TRPM3: variants seen among roughly 807,000 people sequenced by gnomAD.
TRPM3 encodes the protein transient receptor potential cation channel subfamily M member 3.
In TRPM3, 77 loss-of-function variants were observed where a neutral mutation model predicts 181.2. The observed-to-expected ratio is 0.42, with a 90% CI of 0.35 to 0.51. TRPM3 has a LOEUF of 0.51. Among genes scored for constraint, TRPM3 ranks in the 20% least tolerant of loss-of-function variants. TRPM3 has a pLI of 0.01. For synonymous variants in TRPM3, 745 were observed against 796.4 expected (o/e 0.94, Z 1.09); for missense variants, 1,759 against 2,196.7 (o/e 0.80, Z 3.98).
At chr9:70,986,820 C>T (rs1421229616) in intron 1 of TRPM3, among the ~76,000 whole-genome samples, 3 of 152,078 alleles carry the variant, frequency 2.0e-5, no homozygotes, top group East Asian at 3.9e-4. Flanking sequence ...GAGGAGGACA[C>T]GGTATATCAG....
chr9:71,009,739 A>G (rs1239610623), intron 1 of TRPM3, among the ~76,000 whole-genome samples: 3 of 152,196 alleles, frequency 2.0e-5, no homozygotes, highest in Non-Finnish European at 4.4e-5. Context: ...AAATAAATTC[A>G]TATGGAAATA....
intron 1 of TRPM3, among the ~76,000 whole-genome samples, chr9:71,373,214 CAT>C (rs1008457037): frequency 6.6e-6 from 1 of 151,116 alleles, no homozygotes; most frequent in African/African-American, 2.4e-5. Context: ...CTAAAAGAAA[CAT>C]AGAACCAAGA....
At chr9:71,152,665 A>G (rs1480232072) in intron 1 of TRPM3, among the ~76,000 whole-genome samples, 1 of 152,162 alleles carries the variant, frequency 6.6e-6, no homozygotes, top group African/African-American at 2.4e-5. Context: ...AGATAAGGAC[A>G]TCAGTTTGAG....
intron 1 of TRPM3, among the ~76,000 whole-genome samples, chr9:71,363,369 T>A (rs1221364172): frequency 6.6e-6 from 1 of 152,202 alleles, no homozygotes; most frequent in Non-Finnish European, 1.5e-5. Flanking sequence ...TAAGCCAAAT[T>A]GGGAGATTAC....
At chr9:70,598,717 A>G in intron 20 of TRPM3, 47 bp from the exon 21 acceptor site, 1 of 1,588,630 alleles carries the variant, frequency 6.3e-7, no homozygotes, top group Non-Finnish European at 8.6e-7. Flanking sequence ...TTCTGTCTGT[A>G]TTTTCAGCCC....
At chr9:71,401,999 C>T (rs552844901) in intron 1 of TRPM3, among the ~76,000 whole-genome samples, 1 of 152,278 alleles carries the variant, frequency 6.6e-6, no homozygotes, top group East Asian at 1.9e-4. Flanking sequence ...AGTGTGTAAT[C>T]CGTAAATTGA....
rs1432638456 is a variant in TRPM3, at chr9:70,632,001, A to G, written c.1632+3210T>C. Among the ~76,000 whole-genome samples, 4 of 152,358 alleles carry G rather than the reference A, an allele frequency of 2.6e-5. No homozygotes were observed. In the East Asian group the frequency reaches 7.7e-4, roughly 29 times the overall value. On this transcript the variant is annotated intron_variant, in intron 12 of 25. Coordinates refer to ENST00000677713, the MANE Select transcript of TRPM3 (RefSeq NM_001366145.2). ...AGGTCTAGGACTGTGTTCCTAACTC[A>G]TGAATAGCGTTTTGTACCAGAGTTA... is the stretch of plus-strand genomic sequence containing the variant.
intron 1 of TRPM3, among the ~76,000 whole-genome samples, chr9:70,911,856 C>T (rs779796297): frequency 3.3e-5 from 5 of 152,130 alleles, no homozygotes; most frequent in Non-Finnish European, 5.9e-5. Flanking sequence ...CTCATCATAC[C>T]CAATCATATC....
intron 1 of TRPM3, among the ~76,000 whole-genome samples, chr9:71,286,901 C>T (rs2085316417): frequency 7.8e-6 from 1 of 127,574 alleles, no homozygotes; most frequent in Non-Finnish European, 1.7e-5. Context: ...TCACCTCTCA[C>T]AGAAGCATTC....
intron 18 of TRPM3, among the ~76,000 whole-genome samples, chr9:70,615,129 T>C (rs995656348): frequency 6.6e-5 from 10 of 152,148 alleles, no homozygotes; most frequent in Admixed American, 6.5e-4. Flanking sequence ...CAAAATTAAT[T>C]TGTGATTTCA....
At position 71,349,497 on chromosome 9, in the gene TRPM3, G is replaced by A. The variant is rs563995895; in HGVS notation, c.183+97156C>T. 9.3e-4 allele frequency among the ~76,000 whole-genome samples: 142 copies of A among 152,222 alleles called. 1 individual carries two copies. Among genetic ancestry groups the A allele is most frequent in the South Asian group, 5.8e-3 (28 of 4,830 alleles). On this transcript the variant is annotated intron_variant, in intron 1 of 24. Transcript: ENST00000357533. ...TCCACTAAGAAGACTTCAGCATAAC[G>A]TTCAGTAAATCGTTTCCTTAAATGG...
intron 9 of TRPM3, among the ~76,000 whole-genome samples, chr9:70,668,672 G>GAAAAAAAAAAAAAAAAAAA (rs57929544): frequency 2.3e-5 from 2 of 86,512 alleles, no homozygotes; most frequent in African/African-American, 4.4e-5. Context: ...CTCAAAAAAA[G>GAAAAAAAAAAAAAAAAAAA]AAAAAAAAAA....
intron 1 of TRPM3, among the ~76,000 whole-genome samples, chr9:71,175,612 T>C (rs1327014653): frequency 3.9e-5 from 6 of 152,132 alleles, no homozygotes; most frequent in Admixed American, 1.3e-4. Context: ...GTAACATCCA[T>C]TGATCAGAGC....
chr9:71,368,310 G>A (rs548399666), intron 1 of TRPM3, among the ~76,000 whole-genome samples: 1 of 152,266 alleles, frequency 6.6e-6, no homozygotes, highest in Non-Finnish European at 1.5e-5. Flanking sequence ...CTGCAACCCT[G>A]AATCTTTCAC....
chr9:70,547,344 G>A (rs962816435), intron 25 of TRPM3, among the ~76,000 whole-genome samples: 1 of 151,768 alleles, frequency 6.6e-6, no homozygotes, highest in African/African-American at 2.4e-5. Context: ...TCAATCAAAT[G>A]TAAATAAGAC....
chr9:71,109,486 A>G (rs1243236028), intron 1 of TRPM3, among the ~76,000 whole-genome samples: 1 of 152,208 alleles, frequency 6.6e-6, no homozygotes, highest in African/African-American at 2.4e-5. Context: ...TAAACTGCAT[A>G]CCAACTATAC....
chr9:70,651,835 T>A (rs2059631896), intron 9 of TRPM3, among the ~76,000 whole-genome samples: 1 of 152,234 alleles, frequency 6.6e-6, no homozygotes, highest in African/African-American at 2.4e-5. Flanking sequence ...GGTAGTCATG[T>A]CTACGTTGGA....
chr9:70,915,793 GAGAA>G, intron 1 of TRPM3, among the ~76,000 whole-genome samples: 1 of 151,942 alleles, frequency 6.6e-6, no homozygotes, highest in East Asian at 1.9e-4. Context: ...AGAGGAAGTA[GAGAA>G]AGAGATGGGG....
intron 22 of TRPM3, among the ~76,000 whole-genome samples, chr9:70,581,189 T>A (rs922340468): frequency 6.6e-6 from 1 of 152,230 alleles, no homozygotes; most frequent in African/African-American, 2.4e-5. Context: ...AGCCCCTCTA[T>A]CCTTAACTCA....
Sources: allele counts gnomAD v4.1 joint callset (sites outside exome capture counted in the v4.1 genomes callset), GRCh38; gene constraint gnomAD v4.1.1; transcripts MANE v1.5; gene names NCBI Gene and HGNC (gene_info 2026-07-23, HGNC 2026-07-21).